The following CCDC38 variants were observed in gnomAD, a reference collection of about 807,000 sequenced individuals.
The protein encoded by CCDC38 is coiled-coil domain-containing protein 38.
CCDC38 carries 69 observed loss-of-function variants against 72.8 expected under a neutral mutation model. The observed-to-expected ratio is 0.95, with a 90% CI of 0.78 to 1.16. The LOEUF is 1.16. Among genes scored for constraint, CCDC38 ranks in the 50% most tolerant of loss-of-function variants. CCDC38 has a pLI of 0.00. For synonymous variants in CCDC38, 201 were observed against 213.2 expected (o/e 0.94, Z 0.50); for missense variants, 626 against 638.9 (o/e 0.98, Z 0.22).
At chr12:95,926,837 T>G (rs1387749083) in intron 2 of CCDC38, among the ~76,000 whole-genome samples, 3 of 151,598 alleles carry the variant, frequency 2.0e-5, no homozygotes, top group African/African-American at 7.3e-5. Context: ...TCAGTTTCCA[T>G]GTAGTTGAGT....
intron 1 of CCDC38, among the ~76,000 whole-genome samples, chr12:95,940,891 C>G (rs56118395): frequency 1.5e-5 from 1 of 66,576 alleles, no homozygotes; most frequent in Admixed American, 2.0e-4. Context: ...AACAAACAAA[C>G]AAAAAAAAAA....
intron 1 of CCDC38, among the ~76,000 whole-genome samples, chr12:95,941,555 C>A (rs1449886071): frequency 6.6e-6 from 1 of 152,112 alleles, no homozygotes; most frequent in Non-Finnish European, 1.5e-5. Context: ...GTTTATTGAA[C>A]CCTATTTTTC....
intron 8 of CCDC38, among the ~76,000 whole-genome samples, chr12:95,894,313 T>G (rs2079862426): frequency 6.6e-6 from 1 of 152,188 alleles, no homozygotes; most frequent in Non-Finnish European, 1.5e-5. Flanking sequence ...AATCAAACAG[T>G]CTCTCAGGTT....
chr12:95,894,963 A>C (rs2079869542), intron 8 of CCDC38, 26 bp downstream of exon 8: 3 of 1,563,072 alleles, frequency 1.9e-6, no homozygotes, highest in Non-Finnish European at 2.6e-6. Flanking sequence ...TATTTAGTTC[A>C]TGAAAGTTGA....
At chr12:95,898,862 T>C in intron 5 of CCDC38, 131 bp from the exon 6 acceptor site, 1 of 909,762 alleles carries the variant, frequency 1.1e-6, no homozygotes, top group Non-Finnish European at 1.6e-6. Context: ...CAATGGACTT[T>C]ATTTCTTGAA....
intron 5 of CCDC38, among the ~76,000 whole-genome samples, chr12:95,905,483 C>T (rs2079991899): frequency 6.6e-6 from 1 of 152,082 alleles, no homozygotes; most frequent in Non-Finnish European, 1.5e-5. Context: ...CAAACAAAGC[C>T]ATCAGGTTCT....
At chr12:95,906,956 C>T (rs1210913736) in intron 4 of CCDC38, among the ~76,000 whole-genome samples, 2 of 151,004 alleles carry the variant, frequency 1.3e-5, no homozygotes, top group African/African-American at 4.9e-5. Context: ...TTTTCCTAGG[C>T]AGAGGACCCT....
chr12:95,940,276 G>T (rs1235523047), intron 1 of CCDC38, among the ~76,000 whole-genome samples: 5 of 152,168 alleles, frequency 3.3e-5, no homozygotes, highest in Non-Finnish European at 5.9e-5. Context: ...AAATCTGGGG[G>T]ACCTGAATCA....
intron 9 of CCDC38, among the ~76,000 whole-genome samples, chr12:95,889,804 A>G (rs2079803221): frequency 6.6e-6 from 1 of 152,226 alleles, no homozygotes; most frequent in African/African-American, 2.4e-5. Flanking sequence ...CCCTCCCACA[A>G]GAAAGTTCCC....
At chr12:95,938,794 C>T (rs562257592) in intron 1 of CCDC38, among the ~76,000 whole-genome samples, 9 of 151,922 alleles carry the variant, frequency 5.9e-5, no homozygotes, top group Admixed American at 2.0e-4. Flanking sequence ...CTTTGTTGTG[C>T]GAAATAAAAA....
At chr12:95,932,290 T>C (rs2080346067) in intron 2 of CCDC38, among the ~76,000 whole-genome samples, 1 of 152,120 alleles carries the variant, frequency 6.6e-6, no homozygotes, top group Non-Finnish European at 1.5e-5. Context: ...TCTGAGTACA[T>C]TCTGAAGGGA....
chr12:95,936,046 C>T (rs573850768), intron 2 of CCDC38, among the ~76,000 whole-genome samples: 1 of 151,824 alleles, frequency 6.6e-6, no homozygotes, highest in South Asian at 2.1e-4. Context: ...CCAATGCACT[C>T]CAGCTTGGGC....
chr12:95,886,111 C>G (rs1490876484), intron 10 of CCDC38, among the ~76,000 whole-genome samples: 1 of 152,094 alleles, frequency 6.6e-6, no homozygotes, highest in African/African-American at 2.4e-5. Context: ...GATCATGTGG[C>G]AGGACAGCCA....
Position 95,908,327 on chromosome 12 carries a change from C to T in CCDC38, c.305-1876G>A, listed in dbSNP as rs528930796. On this transcript the variant is annotated intron_variant, in intron 4 of 15. Coordinates refer to ENST00000344280, the MANE Select transcript of CCDC38 (RefSeq NM_182496.3). ...AAATAGGAAAACCAGTCAGGCGTGG[C>T]GGCGCGCGCCTGCAATCGCAGGCAC... Among the ~76,000 whole-genome samples the T allele has an allele frequency of 5.5e-3, 830 of 149,822 alleles. 9 individuals carry two copies. Among genetic ancestry groups the T allele is most frequent in the African/African-American group, 0.019 (774 of 40,618 alleles).
intron 14 of CCDC38, among the ~76,000 whole-genome samples, chr12:95,870,911 T>C (rs2079574220): frequency 6.6e-6 from 1 of 152,224 alleles, no homozygotes. Context: ...GATCATCTAA[T>C]TTAATCCTCA....
intron 9 of CCDC38, 109 bp from the exon 10 acceptor site, chr12:95,888,615 C>A: frequency 1.1e-6 from 1 of 910,598 alleles, no homozygotes; most frequent in Non-Finnish European, 1.8e-6. Context: ...ATTCATTTTT[C>A]TGCACAGACA....
chr12:95,929,528 C>T (rs1214599171), intron 2 of CCDC38, among the ~76,000 whole-genome samples: 9 of 152,162 alleles, frequency 5.9e-5, no homozygotes, highest in African/African-American at 1.9e-4. Context: ...GAGCTGTAGA[C>T]GGGAGCTGTT....
intron 7 of CCDC38, among the ~76,000 whole-genome samples, chr12:95,897,075 A>G (rs2079897345): frequency 6.6e-6 from 1 of 152,170 alleles, no homozygotes; most frequent in African/African-American, 2.4e-5. Context: ...TAGCCAGAAT[A>G]TGAAATGCAC....
At chr12:95,922,164 A>G (rs148254750) in intron 2 of CCDC38, among the ~76,000 whole-genome samples, 1 of 152,344 alleles carries the variant, frequency 6.6e-6, no homozygotes, top group African/African-American at 2.4e-5. Context: ...GTCATGAGTT[A>G]GAGAGAAAGA....
Sources: allele counts gnomAD v4.1 joint callset (sites outside exome capture counted in the v4.1 genomes callset), GRCh38; gene constraint gnomAD v4.1.1; transcripts MANE v1.5; gene names NCBI Gene and HGNC (gene_info 2026-07-23, HGNC 2026-07-21).